The following KLF8 variants were observed in gnomAD, a reference collection of about 807,000 sequenced individuals.
The protein encoded by KLF8 is KLF transcription factor 8.
In KLF8, 10 loss-of-function variants were observed where a neutral mutation model predicts 18.2. That is an observed-to-expected ratio of 0.55 (90% CI 0.34 to 0.93). The LOEUF is 0.93. Among genes scored for constraint, KLF8 ranks in the 40% least tolerant of loss-of-function variants. The pLI is 0.02. For synonymous variants in KLF8, 109 were observed against 97.3 expected, an observed-to-expected ratio of 1.12 and a Z score of -0.71; for missense variants, 264 against 277.9, an observed-to-expected ratio of 0.95 and a Z score of 0.36.
chrX:56,148,942 T>G, the KLF8 span, among the ~76,000 whole-genome samples: 1 of 112,327 alleles, frequency 8.9e-6, no homozygotes, highest in Non-Finnish European at 1.9e-5. Flanking sequence ...TATTGATTCA[T>G]TTACCAAAGG....
chrX:56,052,107 T>G, the KLF8 span, among the ~76,000 whole-genome samples: 1 of 111,992 alleles, frequency 8.9e-6, no homozygotes, highest in Admixed American at 9.5e-5. Flanking sequence ...CAAGCCTTGG[T>G]TTTCAGTTCC....
the KLF8 span, among the ~76,000 whole-genome samples, chrX:56,175,375 AG>A: frequency 4.5e-5 from 5 of 112,059 alleles, no homozygotes; most frequent in Non-Finnish European, 9.4e-5. Context: ...ATTCATGAGC[AG>A]GTTGCTCAGT....
chrX:56,221,174 C>G, the KLF8 span, among the ~76,000 whole-genome samples: 1 of 111,904 alleles, frequency 8.9e-6, no homozygotes, highest in African/African-American at 3.2e-5. Context: ...CTGGAATCAT[C>G]AGAACTAGTT....
chrX:55,962,063 A>G, the KLF8 span: 1 of 156,236 alleles, frequency 6.4e-6, no homozygotes. Context: ...GGGAGCCTTC[A>G]CTGTGGTTTG....
chrX:55,949,505 C>G, the KLF8 span, among the ~76,000 whole-genome samples: 29 of 110,946 alleles, frequency 2.6e-4, no homozygotes, highest in Non-Finnish European at 9.4e-5. Flanking sequence ...GACAAGAAAA[C>G]AAGAAGCACC....
chrX:55,939,491 T>C, the KLF8 span, among the ~76,000 whole-genome samples: 2 of 111,098 alleles, frequency 1.8e-5, no homozygotes, highest in Non-Finnish European at 3.8e-5. Flanking sequence ...GCAAACACGT[T>C]CAAAATCTAG....
the KLF8 span, among the ~76,000 whole-genome samples, chrX:56,141,574 C>A: frequency 9.0e-6 from 1 of 111,284 alleles, no homozygotes; most frequent in East Asian, 2.8e-4. Context: ...CTCTTATTTT[C>A]TTTAATCTGT....
chrX:56,092,859 A>G, the KLF8 span, among the ~76,000 whole-genome samples: 1 of 110,568 alleles, frequency 9.0e-6, no homozygotes, highest in Non-Finnish European at 1.9e-5. Flanking sequence ...ACAGAATCAA[A>G]AGGAAATGCT....
the KLF8 span, among the ~76,000 whole-genome samples, chrX:56,058,281 T>TATATACACATATATATAC: frequency 1.1e-3 from 16 of 14,458 alleles, no homozygotes; most frequent in African/African-American, 4.2e-3. Flanking sequence ...TATATATACA[T>TATATACACATATATATAC]ATATATATAT....
the KLF8 span, among the ~76,000 whole-genome samples, chrX:56,048,607 G>C: frequency 2.0e-4 from 22 of 111,659 alleles, no homozygotes; most frequent in Non-Finnish European, 3.0e-4. Context: ...TGAGGGTTCT[G>C]TTCTGTTCCA....
chrX:55,948,342 T>C, the KLF8 span, among the ~76,000 whole-genome samples: 24,157 of 110,965 alleles, frequency 0.22, 5,433 homozygotes, highest in African/African-American at 0.69. Context: ...GACAAATAGG[T>C]ACAGCTGTGT....
At chrX:55,927,004 C>T in the KLF8 span, among the ~76,000 whole-genome samples, 2 of 111,394 alleles carry the variant, frequency 1.8e-5, no homozygotes, top group East Asian at 2.8e-4. Context: ...ACAAAGCAGA[C>T]AGTAGGACAA....
chrX:56,005,824 A>G, the KLF8 span, among the ~76,000 whole-genome samples: 2 of 111,581 alleles, frequency 1.8e-5, no homozygotes, highest in African/African-American at 6.6e-5. Context: ...GGTGGAGAGG[A>G]TGCAGGTAGG....
chrX:56,183,316 G>A, the KLF8 span, among the ~76,000 whole-genome samples: 2 of 112,136 alleles, frequency 1.8e-5, no homozygotes, highest in Non-Finnish European at 3.8e-5. Flanking sequence ...AAGACTGATG[G>A]AAAAGTGCAG....
chrX:56,024,452 C>T, the KLF8 span, among the ~76,000 whole-genome samples: 4 of 111,559 alleles, frequency 3.6e-5, no homozygotes, highest in Admixed American at 9.5e-5. Context: ...AAGTGATCTG[C>T]CCACCTTTGC....
the KLF8 span, among the ~76,000 whole-genome samples, chrX:56,209,762 T>G: frequency 1.3e-3 from 144 of 112,060 alleles, 1 homozygote; most frequent in African/African-American, 4.3e-3. Context: ...TTTCTCTGGT[T>G]ATATGATTTT....
At chrX:56,049,633 G>A in the KLF8 span, among the ~76,000 whole-genome samples, 1 of 102,053 alleles carries the variant, frequency 9.8e-6, no homozygotes, top group Non-Finnish European at 2.0e-5. Context: ...GATCATGGTG[G>A]ATAAGCTTTT....
chrX:56,205,494 T>C, the KLF8 span, among the ~76,000 whole-genome samples: 9 of 112,061 alleles, frequency 8.0e-5, no homozygotes, highest in Admixed American at 6.6e-4. Flanking sequence ...TTCACCATCA[T>C]TGCATCCCAG....
chrX:56,122,848 C>T, the KLF8 span, among the ~76,000 whole-genome samples: 1 of 111,170 alleles, frequency 9.0e-6, no homozygotes, highest in African/African-American at 3.3e-5. Flanking sequence ...CGAGGCCTCC[C>T]AAATTGCTGG....
Sources: gnomAD v4.1 joint callset for allele counts (sites outside exome capture counted in the v4.1 genomes callset) on GRCh38, gnomAD v4.1.1 for gene constraint, MANE v1.5 for transcripts, NCBI Gene and HGNC (gene_info 2026-07-23, HGNC 2026-07-21) for gene names.